Variants in AGBL4 observed in about 807,000 individuals in gnomAD.
AGBL4 encodes the protein cytosolic carboxypeptidase 6.
AGBL4 carries 58 observed loss-of-function variants against 66.4 expected under a neutral mutation model. The observed-to-expected ratio is 0.87, with a 90% CI of 0.71 to 1.09. The LOEUF (loss-of-function observed/expected upper bound fraction) is 1.09, where lower values mean the gene tolerates loss of function less well. Among genes scored for constraint, AGBL4 ranks in the 50% least tolerant of loss-of-function variants. AGBL4 has a pLI of 0.00. For missense variants in AGBL4, 579 were observed against 631.0 expected (o/e 0.92, Z 0.88); for synonymous variants, 234 against 222.9 (o/e 1.05, Z -0.44).
At chr1:49,323,511 G>T (rs1161261453) in intron 3 of AGBL4, among the ~76,000 whole-genome samples, 1 of 147,448 alleles carries the variant, frequency 6.8e-6, no homozygotes, top group African/African-American at 2.5e-5. Flanking sequence ...TGCCCAGGCT[G>T]GTCTCAAACT....
intron 7 of AGBL4, among the ~76,000 whole-genome samples, chr1:48,658,623 G>A (rs937692959): frequency 3.9e-5 from 6 of 152,224 alleles, no homozygotes; most frequent in Non-Finnish European, 8.8e-5. Flanking sequence ...GTCTAGAAAA[G>A]TGAAAGGCCC....
At chr1:48,785,812 C>T (rs1196701366) in intron 6 of AGBL4, among the ~76,000 whole-genome samples, 3 of 152,266 alleles carry the variant, frequency 2.0e-5, no homozygotes, top group African/African-American at 7.2e-5. Flanking sequence ...CACTGACTCT[C>T]TAACCCCCTA....
At chr1:48,992,798 C>CT (rs1660705887) in intron 5 of AGBL4, among the ~76,000 whole-genome samples, 1 of 152,102 alleles carries the variant, frequency 6.6e-6, no homozygotes, top group Non-Finnish European at 1.5e-5. Context: ...CAGACTACCA[C>CT]TTATGTTCAC....
At position 49,839,246 on chromosome 1, in the gene AGBL4, T is replaced by C. The variant is rs182881731; in HGVS notation, c.157+12150A>G. ...AGTAATCTTATAAACAAATTAAAAC[T>C]ATATTATAATAGAAGTTCAGATTTG... On this transcript the variant is annotated intron_variant, in intron 2 of 13. Coordinates refer to ENST00000371839, the MANE Select transcript of AGBL4 (RefSeq NM_032785.4). Among the ~76,000 whole-genome samples, 287 of 152,290 alleles carry C rather than the reference T, an allele frequency of 1.9e-3. 3 individuals carry two copies. The highest frequency in any genetic ancestry group is 1.3e-3 in the Non-Finnish European group (87 of 68,024).
intron 1 of AGBL4, among the ~76,000 whole-genome samples, chr1:49,985,076 T>A (rs1659386392): frequency 6.6e-6 from 1 of 152,120 alleles, no homozygotes; most frequent in East Asian, 1.9e-4. Context: ...GGGAGAAATA[T>A]GTTATAGAAG....
At chr1:49,992,970 C>T (rs1660078457) in intron 1 of AGBL4, among the ~76,000 whole-genome samples, 1 of 152,176 alleles carries the variant, frequency 6.6e-6, no homozygotes, top group South Asian at 2.1e-4. Flanking sequence ...AGAGGAGAAA[C>T]AGCCCCATGT....
At chr1:49,297,925 T>C (rs1644672821) in intron 3 of AGBL4, among the ~76,000 whole-genome samples, 2 of 152,150 alleles carry the variant, frequency 1.3e-5, no homozygotes, top group African/African-American at 2.4e-5. Context: ...TCACCTCCAA[T>C]GCAAACACAC....
chr1:49,563,882 T>G (rs1644121111), intron 3 of AGBL4, among the ~76,000 whole-genome samples: 1 of 152,208 alleles, frequency 6.6e-6, no homozygotes, highest in South Asian at 2.1e-4. Flanking sequence ...TCAGAAGGAA[T>G]GGTACCAGCT....
chr1:49,485,766 T>C (rs1647053662), intron 3 of AGBL4, among the ~76,000 whole-genome samples: 1 of 151,630 alleles, frequency 6.6e-6, no homozygotes. Context: ...GAACTAAAAA[T>C]TAAAACAGTT....
At chr1:49,350,482 C>T (rs865999019) in intron 3 of AGBL4, among the ~76,000 whole-genome samples, 12 of 152,276 alleles carry the variant, frequency 7.9e-5, no homozygotes, top group Non-Finnish European at 1.5e-4. Context: ...GGATTACAGG[C>T]GTGAGCCACC....
intron 3 of AGBL4, among the ~76,000 whole-genome samples, chr1:49,258,262 A>C (rs1652738280): frequency 6.6e-6 from 1 of 152,234 alleles, no homozygotes; most frequent in Non-Finnish European, 1.5e-5. Flanking sequence ...TCCTCCTCCA[A>C]AGGAACGCAG....
intron 1 of AGBL4, among the ~76,000 whole-genome samples, chr1:49,956,066 T>C (rs1325769921): frequency 6.6e-6 from 1 of 151,922 alleles, no homozygotes; most frequent in African/African-American, 2.4e-5. Context: ...ATGTTATTAT[T>C]GGCTGTAGTT....
chr1:49,277,286 C>T (rs994848245), intron 3 of AGBL4, among the ~76,000 whole-genome samples: 1 of 152,004 alleles, frequency 6.6e-6, no homozygotes, highest in Non-Finnish European at 1.5e-5. Flanking sequence ...CAATTGTTAT[C>T]CTTTAAATTT....
At chr1:49,550,715 T>C (rs1329340566) in intron 3 of AGBL4, among the ~76,000 whole-genome samples, 12 of 152,216 alleles carry the variant, frequency 7.9e-5, no homozygotes, top group Admixed American at 7.9e-4. Context: ...CTAGTGCTTC[T>C]GTCTCACAGC....
At chr1:49,028,983 C>G (rs1479401583) in intron 5 of AGBL4, among the ~76,000 whole-genome samples, 1 of 152,028 alleles carries the variant, frequency 6.6e-6, no homozygotes, top group Non-Finnish European at 1.5e-5. Flanking sequence ...TCAATAGACA[C>G]AGAAAAATCA....
intron 4 of AGBL4, among the ~76,000 whole-genome samples, chr1:49,172,357 T>A (rs1319555586): frequency 6.6e-6 from 1 of 152,178 alleles, no homozygotes. Context: ...TGAGCCAGGA[T>A]GAGCCAGATG....
intron 2 of AGBL4, among the ~76,000 whole-genome samples, chr1:49,789,090 T>G (rs553513263): frequency 6.6e-6 from 1 of 152,350 alleles, no homozygotes; most frequent in Admixed American, 6.5e-5. Flanking sequence ...TCTGCATCTA[T>G]TGAGATACTC....
chr1:49,673,633 G>A (rs1571303899), intron 3 of AGBL4, among the ~76,000 whole-genome samples: 3 of 151,976 alleles, frequency 2.0e-5, no homozygotes, highest in Admixed American at 1.3e-4. Flanking sequence ...AATTCCCCAA[G>A]TGAAATTTTC....
chr1:48,694,063 A>C (rs1646677824), intron 6 of AGBL4, among the ~76,000 whole-genome samples: 1 of 151,996 alleles, frequency 6.6e-6, no homozygotes, highest in Non-Finnish European at 1.5e-5. Flanking sequence ...AAAAAAAAAA[A>C]AAAAAAGCGG....
Sources: allele counts gnomAD v4.1 joint callset (sites outside exome capture counted in the v4.1 genomes callset), GRCh38; gene constraint gnomAD v4.1.1; transcripts MANE v1.5; gene names NCBI Gene and HGNC (gene_info 2026-07-23, HGNC 2026-07-21).